The following CCN3 variants were observed in gnomAD, a reference collection of about 807,000 sequenced individuals.
CCN3 encodes CCN family member 3.
In CCN3, 20 loss-of-function variants were observed where a neutral mutation model predicts 33.4. The observed-to-expected ratio is 0.60, with a 90% CI of 0.42 to 0.87. The LOEUF is 0.87. CCN3 is among the 40% of genes least tolerant of loss of function. The pLI is 0.00. For missense variants in CCN3, 465 were observed against 455.3 expected (o/e 1.02, Z -0.19); for synonymous variants, 205 against 170.4 (o/e 1.20, Z -1.58).
chr8:119,417,898 T>C (rs1403867284), intron 2 of CCN3, among the ~76,000 whole-genome samples, 160 bp from the exon 3 acceptor site: 1 of 152,196 alleles, frequency 6.6e-6, no homozygotes. Flanking sequence ...CATGAGGACA[T>C]CACTCTACAG....
Position 119,416,860 on chromosome 8 carries a change from T to C in CCN3, c.201T>C (p.Cys67=). ...ACGGCTGCTCATGCTGTCTGGTGTG[T>C]GCCCGCCAGCGTGGCGAGAGCTGCT... ...VLDGCSCCLV[C]ARQRGESCSD... Residue 67 remains cysteine (C), a synonymous_variant, in exon 2 of 5, where the codon TGT becomes TGC. Transcript: ENST00000259526. 6.2e-7 allele frequency: 1 copy of C among 1,613,426 alleles called. No homozygotes were observed. Among genetic ancestry groups the C allele is most frequent in the South Asian group, 1.1e-5 (1 of 91,018 alleles).
chr8:119,420,651 T>A (rs1256827474), intron 4 of CCN3, among the ~76,000 whole-genome samples: 1 of 152,190 alleles, frequency 6.6e-6, no homozygotes. Context: ...CAGTCTCACA[T>A]ACAAACACAT....
intron 4 of CCN3, among the ~76,000 whole-genome samples, chr8:119,420,506 T>G (rs17187482): frequency 0.18 from 27,936 of 152,156 alleles, 2,758 homozygotes; most frequent in Non-Finnish European, 0.22. Context: ...CTAACTTTAC[T>G]TTTCTTCCAC....
chr8:119,418,001 G>T, intron 2 of CCN3, 57 bp from the exon 3 acceptor site: 1 of 1,538,410 alleles, frequency 6.5e-7, no homozygotes, highest in Non-Finnish European at 8.9e-7. Flanking sequence ...TCACTGTATT[G>T]TGTTCTTGTT....
rs1820150495 is a variant in CCN3 at position 119,423,085 on chromosome 8, G to A, written c.1027G>A (p.Ala343Thr). 5 of 1,614,152 alleles carry A rather than the reference G, an allele frequency of 3.1e-6. No individual in the cohort carries two copies. Among genetic ancestry groups the A allele is most frequent in the Non-Finnish European group, 4.2e-6 (5 of 1,180,022 alleles). The stretch of plus-strand genomic sequence containing the variant: ...CACCAACTGTCCTAAGAACAATGAG[G>A]CCTTCCTCCAGGAGCTGGAGCTGAA... Reference protein sequence around the residue: ...CHTNCPKNNEAFLQELELKTT... With the variant: ...CHTNCPKNNETFLQELELKTT... The change falls in exon 5 of 5, where the codon GCC (alanine) becomes ACC (threonine). Residue 343 changes from alanine to threonine, a missense_variant. Physicochemically the swap from Ala to Thr is moderately conservative, Grantham distance 58. Transcript: ENST00000259526.
intron 1 of CCN3, 55 bp downstream of exon 1, chr8:119,416,671 C>A: frequency 6.3e-7 from 1 of 1,589,172 alleles, no homozygotes; most frequent in South Asian, 1.1e-5. Context: ...CTTGGTGGCC[C>A]CCATTTGGTC....
At chr8:119,419,042 G>A in intron 3 of CCN3, 89 bp from the exon 4 acceptor site, 1 of 959,206 alleles carries the variant, frequency 1.0e-6, no homozygotes, top group Non-Finnish European at 1.7e-6. Flanking sequence ...AGTCGAATGA[G>A]ACCCAGTTTC....
intron 4 of CCN3, among the ~76,000 whole-genome samples, chr8:119,420,440 C>T (rs1820107382): frequency 6.6e-6 from 1 of 152,118 alleles, no homozygotes; most frequent in South Asian, 2.1e-4. Context: ...ATAAGAGTCC[C>T]TAGTGGTTGC....
At chr8:119,417,949 C>G (rs1820074431) in intron 2 of CCN3, 109 bp from the exon 3 acceptor site, 4 of 1,152,566 alleles carry the variant, frequency 3.5e-6, no homozygotes, top group Admixed American at 4.1e-5. Context: ...TAGAAAAGGA[C>G]TTGGGTTTTG....
At chr8:119,418,333 G>T in intron 3 of CCN3, 24 bp downstream of exon 3, 1 of 1,612,234 alleles carries the variant, frequency 6.2e-7, no homozygotes, top group Non-Finnish European at 8.5e-7. Flanking sequence ...TATACCTAGG[G>T]CTGGTCATAG....
rs753347849 is a variant in CCN3 at position 119,419,330 on chromosome 8, G to A, written c.762G>A (p.Glu254=). 1.2e-6 allele frequency: 2 copies of A among 1,613,702 alleles called. No individual in the cohort carries two copies. The highest frequency in any genetic ancestry group is 1.7e-6 in the Non-Finnish European group (2 of 1,180,030). The change falls in exon 4 of 5, where the codon GAG becomes GAA. Residue 254 remains glutamate (E), a synonymous_variant. Coordinates refer to ENST00000259526, the MANE Select transcript of CCN3 (RefSeq NM_002514.4). ...TGCGGCCCTGTGAACAAGAGCCAGA[G>A]CAGCCAACAGATAAGGTAGGAGCCT... The part of the protein sequence containing the change: ...CMVRPCEQEP[E]QPTDKKGKKC...
intron 2 of CCN3, 80 bp from the exon 3 acceptor site, chr8:119,417,978 T>C (rs1227454995): frequency 3.7e-5 from 54 of 1,445,776 alleles, no homozygotes; most frequent in Non-Finnish European, 4.9e-5. Flanking sequence ...CCTCCAAATC[T>C]TACATAGCTT....
Position 119,416,470 on chromosome 8 carries a change from A to G in CCN3, c.-63A>G. The G allele has an allele frequency of 3.3e-6, 5 of 1,492,742 alleles. No homozygotes were observed. Among genetic ancestry groups the G allele is most frequent in the Non-Finnish European group, 4.6e-6 (5 of 1,077,352 alleles). The allele number at this position is 1,492,742 out of a possible 1,614,324, so 92.5% of individuals were successfully genotyped here. On this transcript the variant is annotated 5_prime_UTR_variant, in exon 1 of 5. Coordinates refer to ENST00000259526, the MANE Select transcript of CCN3 (RefSeq NM_002514.4). ...CAAGCACCGGACCAGGGGGAAGGCG[A>G]GCAGTGCCAATCTACAGCGAAGAAA...
chr8:119,422,985 C>T lies in CCN3; in HGVS notation c.927C>T (p.Ile309=). Residue 309 remains isoleucine (I), a synonymous_variant, in exon 5 of 5, where the codon ATC becomes ATT. Coordinates refer to ENST00000259526, the MANE Select transcript of CCN3 (RefSeq NM_002514.4). The part of the protein sequence containing the change: ...RCCTPHNTKT[I]QAEFQCSPGQ... ...GCACTCCCCACAATACCAAAACCAT[C>T]CAGGCAGAGTTTCAGTGCTCCCCAG... is the stretch of plus-strand genomic sequence containing the variant. The T allele has an allele frequency of 1.9e-6, 3 of 1,614,156 alleles. No homozygotes were observed. The South Asian group carries it at 3.3e-5, about 18-fold the overall frequency.
At chr8:119,417,014 A>T in intron 2 of CCN3, 45 bp downstream of exon 2, 1 of 1,474,792 alleles carries the variant, frequency 6.8e-7, no homozygotes, top group Non-Finnish European at 9.3e-7. Context: ...CCTGCAGCTA[A>T]GTGAAGCTGC....
chr8:119,418,055 T>C lies in CCN3; in HGVS notation c.311-3T>C, dbSNP rs761410229. ...TTTTCACTTTGCTTCCCCAATATTC[T>C]AGCGGTAGAGGGAGATAACTGTGTG... On this transcript the variant is annotated splice_region_variant and splice_polypyrimidine_tract_variant and intron_variant, in intron 2 of 4. Coordinates refer to ENST00000259526, the MANE Select transcript of CCN3 (RefSeq NM_002514.4). The C allele has an allele frequency of 6.2e-7, 1 of 1,607,352 alleles. No individual in the cohort carries two copies.
chr8:119,418,804 T>A (rs1453968699), intron 3 of CCN3, among the ~76,000 whole-genome samples: 1 of 152,200 alleles, frequency 6.6e-6, no homozygotes, highest in Non-Finnish European at 1.5e-5. Flanking sequence ...CCTTTTTTTA[T>A]TCTTATTTTT....
intron 4 of CCN3, among the ~76,000 whole-genome samples, chr8:119,420,229 A>C (rs1448965615): frequency 6.6e-6 from 1 of 152,236 alleles, no homozygotes; most frequent in Admixed American, 6.5e-5. Context: ...CTGTCTTTCC[A>C]CATGAACCAG....
Position 119,416,924 on chromosome 8 carries a change from T to G in CCN3, c.265T>G (p.Cys89Gly). The G allele has an allele frequency of 6.2e-7, 1 of 1,613,898 alleles. No individual in the cohort carries two copies. Among genetic ancestry groups the G allele is most frequent in the Non-Finnish European group, 8.5e-7 (1 of 1,179,890 alleles). The part of the protein sequence containing the change: ...EPCDESSGLY[C>G]DRSADPSNQT... ...ATGCGACGAGAGCAGTGGCCTCTAC[T>G]GTGATCGCAGCGCGGACCCCAGCAA... Residue 89 changes from cysteine to glycine, a missense_variant, in exon 2 of 5, where the codon TGT (cysteine) becomes GGT (glycine). Coordinates refer to ENST00000259526, the MANE Select transcript of CCN3 (RefSeq NM_002514.4).
Sources: gnomAD v4.1 joint callset for allele counts (sites outside exome capture counted in the v4.1 genomes callset) on GRCh38, gnomAD v4.1.1 for gene constraint, MANE v1.5 for transcripts, NCBI Gene and HGNC (gene_info 2026-07-23, HGNC 2026-07-21) for gene names.